The following NXPH1 variants were observed in gnomAD, a reference collection of about 807,000 sequenced individuals.
NXPH1 encodes neurexophilin-1.
In NXPH1, 5 loss-of-function variants were observed where a neutral mutation model predicts 23.7. That is an observed-to-expected ratio of 0.21 (90% CI 0.11 to 0.44). NXPH1 has a LOEUF of 0.44. NXPH1 is among the 20% of genes least tolerant of loss of function. The pLI, the probability that NXPH1 is intolerant of heterozygous loss-of-function variation, is 0.99. For synonymous variants in NXPH1, 144 were observed against 122.2 expected, an observed-to-expected ratio of 1.18 and a Z score of -1.18; for missense variants, 324 against 321.6, an observed-to-expected ratio of 1.01 and a Z score of -0.06.
At chr7:8,692,602 A>T (rs1229963817) in intron 2 of NXPH1, among the ~76,000 whole-genome samples, 1 of 152,176 alleles carries the variant, frequency 6.6e-6, no homozygotes, top group Non-Finnish European at 1.5e-5. Context: ...TTGGCCTATT[A>T]TCTGGAAAAG....
intron 2 of NXPH1, among the ~76,000 whole-genome samples, chr7:8,473,283 T>C (rs539622053): frequency 6.6e-6 from 1 of 152,266 alleles, no homozygotes; most frequent in South Asian, 2.1e-4. Flanking sequence ...AAAAGCAGGC[T>C]GTATTATCTA....
chr7:8,564,353 C>T lies in NXPH1; in HGVS notation c.54+128586C>T, dbSNP rs570296995. Among the ~76,000 whole-genome samples the T allele has an allele frequency of 2.0e-5, 3 of 151,844 alleles. No individual in the cohort carries two copies. The South Asian group carries it at 6.2e-4, about 31-fold the overall frequency. Reference sequence around the variant, plus strand: ...TAGTTCTGTTAATAAAAGTAGAATGCGTATGGTACTTGAGAATGACTGTAC... The same window carrying T: ...TAGTTCTGTTAATAAAAGTAGAATGTGTATGGTACTTGAGAATGACTGTAC... On this transcript the variant is annotated intron_variant, in intron 2 of 2. Coordinates refer to ENST00000405863, the MANE Select transcript of NXPH1 (RefSeq NM_152745.3).
Position 8,662,952 on chromosome 7 carries a change from T to C in NXPH1, c.55-88056T>C, listed in dbSNP as rs114494198. ...TAAGATTATCTTATCCATGTTTTTA[T>C]CTTTATCAAAAATTTACTGATTATA... On this transcript the variant is annotated intron_variant, in intron 2 of 2. Transcript: ENST00000405863. Among the ~76,000 whole-genome samples the C allele has an allele frequency of 1.5e-3, 225 of 152,228 alleles. 1 individual carries two copies. The highest frequency in any genetic ancestry group is 5.3e-3 in the African/African-American group (220 of 41,570).
chr7:8,751,344 G>C lies in NXPH1; in HGVS notation c.391G>C (p.Val131Leu). Reference sequence around the variant, plus strand: ...CGATTTTCATTCCAACATCAAAACAGTGAAGCTGAACCTGTTGATAACTGG... The same window carrying C: ...CGATTTTCATTCCAACATCAAAACACTGAAGCTGAACCTGTTGATAACTGG... ...WGDFHSNIKT[V>L]KLNLLITGKI... Residue 131 changes from valine to leucine, a missense_variant, in exon 3 of 3, where the codon GTG becomes CTG. By Grantham distance (32) the Val-to-Leu change is conservative. Transcript: ENST00000405863. The surrounding 1 kb of genome is among the most constrained non-coding windows in gnomAD (Gnocchi z 4.5). 1 of 1,613,932 alleles carries C rather than the reference G, an allele frequency of 6.2e-7. No homozygotes were observed. Among genetic ancestry groups the C allele is most frequent in the Non-Finnish European group, 8.5e-7 (1 of 1,179,858 alleles).
intron 2 of NXPH1, among the ~76,000 whole-genome samples, chr7:8,520,375 G>A (rs1817750043): frequency 1.3e-5 from 2 of 152,184 alleles, no homozygotes; most frequent in Non-Finnish European, 2.9e-5. Flanking sequence ...AGATGACATG[G>A]TTTTTGGACT....
chr7:8,526,730 C>G (rs537289289), intron 2 of NXPH1, among the ~76,000 whole-genome samples: 4 of 152,240 alleles, frequency 2.6e-5, no homozygotes, highest in Admixed American at 1.3e-4. Context: ...GCCACTGCCT[C>G]GAAAGAAGTG....
intron 2 of NXPH1, among the ~76,000 whole-genome samples, chr7:8,446,739 CA>C (rs1295882842): frequency 6.6e-6 from 1 of 151,846 alleles, no homozygotes; most frequent in African/African-American, 2.4e-5. Flanking sequence ...CCATAAATTC[CA>C]CTATGATTTC....
intron 2 of NXPH1, among the ~76,000 whole-genome samples, chr7:8,620,809 G>T (rs1438427849): frequency 6.6e-6 from 1 of 152,128 alleles, no homozygotes; most frequent in Admixed American, 6.5e-5. Flanking sequence ...ATTCTAATTT[G>T]TCACTTTAAA....
chr7:8,479,694 T>C (rs1235929487), intron 2 of NXPH1, among the ~76,000 whole-genome samples: 1 of 152,150 alleles, frequency 6.6e-6, no homozygotes, highest in East Asian at 1.9e-4. Context: ...ATCTGGAACA[T>C]TTTGTTAAAT....
intron 2 of NXPH1, among the ~76,000 whole-genome samples, chr7:8,641,907 T>G (rs1395838384): frequency 9.8e-5 from 15 of 152,336 alleles, no homozygotes; most frequent in Non-Finnish European, 1.3e-4. Flanking sequence ...AATGAATGTG[T>G]GAAACTTCTA....
chr7:8,685,858 T>A (rs1821138974), intron 2 of NXPH1, among the ~76,000 whole-genome samples: 1 of 152,016 alleles, frequency 6.6e-6, no homozygotes, highest in South Asian at 2.1e-4. Context: ...GACCTATTAT[T>A]GGATAGCACA....
intron 2 of NXPH1, among the ~76,000 whole-genome samples, chr7:8,590,814 C>T (rs1349325677): frequency 6.6e-6 from 1 of 151,922 alleles, no homozygotes; most frequent in African/African-American, 2.4e-5. Flanking sequence ...CTAAATTTTG[C>T]TCTTTTAAAA....
chr7:8,493,739 G>T (rs1817290126), intron 2 of NXPH1, among the ~76,000 whole-genome samples: 1 of 151,996 alleles, frequency 6.6e-6, no homozygotes, highest in South Asian at 2.1e-4. Flanking sequence ...AAATGTTCCA[G>T]TGGCACATGG....
At chr7:8,470,775 T>A (rs1816860489) in intron 2 of NXPH1, among the ~76,000 whole-genome samples, 1 of 152,204 alleles carries the variant, frequency 6.6e-6, no homozygotes, top group South Asian at 2.1e-4. Flanking sequence ...AAAAACATTG[T>A]TGCAAAGGTC....
intron 2 of NXPH1, among the ~76,000 whole-genome samples, chr7:8,685,839 A>G (rs1039139994): frequency 5.3e-5 from 8 of 152,002 alleles, no homozygotes; most frequent in African/African-American, 1.9e-4. Flanking sequence ...AAATAGAAAG[A>G]ATGAATAAGA....
intron 2 of NXPH1, among the ~76,000 whole-genome samples, chr7:8,441,593 AC>A (rs1297175845): frequency 6.6e-6 from 1 of 152,198 alleles, no homozygotes; most frequent in Non-Finnish European, 1.5e-5. Context: ...GATGAATATT[AC>A]CAGCAATTTC....
At chr7:8,566,512 T>C (rs1818548401) in intron 2 of NXPH1, among the ~76,000 whole-genome samples, 1 of 151,770 alleles carries the variant, frequency 6.6e-6, no homozygotes, top group Non-Finnish European at 1.5e-5. Flanking sequence ...TAGCATCTAA[T>C]GTGTTGGAGC....
intron 2 of NXPH1, among the ~76,000 whole-genome samples, chr7:8,714,445 G>A (rs1779845739): frequency 1.3e-5 from 2 of 152,042 alleles, no homozygotes; most frequent in African/African-American, 4.8e-5. Flanking sequence ...CTGTGGCTGA[G>A]TTGGTGTCTA....
intron 2 of NXPH1, among the ~76,000 whole-genome samples, chr7:8,628,184 C>A (rs183684278): frequency 1.3e-4 from 20 of 152,104 alleles, no homozygotes; most frequent in Admixed American, 6.6e-4. Context: ...TACTTAGTAA[C>A]TACATACTAT....
Sources: gnomAD v4.1 joint callset for allele counts (sites outside exome capture counted in the v4.1 genomes callset) on GRCh38, gnomAD v4.1.1 for gene constraint, Gnocchi (gnomAD v3.1) non-coding constraint, MANE v1.5 for transcripts, NCBI Gene and HGNC (gene_info 2026-07-23, HGNC 2026-07-21) for gene names.